CDH13: variants seen among roughly 807,000 people sequenced by gnomAD.
The protein encoded by CDH13 is cadherin-13.
CDH13 carries 24 observed loss-of-function variants against 63.8 expected under a neutral mutation model. That is an observed-to-expected ratio of 0.38 (90% CI 0.27 to 0.53). The LOEUF is 0.53. Among genes scored for constraint, CDH13 ranks in the 20% least tolerant of loss-of-function variants. CDH13 has a pLI of 0.85. For missense variants in CDH13, 1,049 were observed against 903.1 expected, an observed-to-expected ratio of 1.16 and a Z score of -2.07; for synonymous variants, 503 against 355.3, an observed-to-expected ratio of 1.42 and a Z score of -4.67.
intron 1 of CDH13, among the ~76,000 whole-genome samples, chr16:82,786,908 T>C (rs1457032610): frequency 6.6e-6 from 1 of 152,122 alleles, no homozygotes; most frequent in Non-Finnish European, 1.5e-5. Context: ...TTTAAGGGTA[T>C]TGGACAAGGG....
At chr16:83,361,230 T>A (rs1214251021) in intron 6 of CDH13, among the ~76,000 whole-genome samples, 1 of 152,248 alleles carries the variant, frequency 6.6e-6, no homozygotes, top group Non-Finnish European at 1.5e-5. Flanking sequence ...TTGTTTGTCT[T>A]CTTCTGAGAA....
intron 6 of CDH13, among the ~76,000 whole-genome samples, chr16:83,417,482 C>CTCTTGCCT (rs1018451667): frequency 2.0e-5 from 3 of 152,330 alleles, no homozygotes; most frequent in East Asian, 1.9e-4. Context: ...GGTCACCGTG[C>CTCTTGCCT]TCTTGCCTTC....
intron 6 of CDH13, among the ~76,000 whole-genome samples, chr16:83,372,359 G>T (rs560958962): frequency 6.6e-6 from 1 of 152,258 alleles, no homozygotes; most frequent in South Asian, 2.1e-4. Flanking sequence ...AACTTCATGT[G>T]TCATGGTACT....
intron 1 of CDH13, among the ~76,000 whole-genome samples, chr16:82,718,778 C>G (rs1274233472): frequency 6.6e-6 from 1 of 152,094 alleles, no homozygotes; most frequent in Admixed American, 6.6e-5. Flanking sequence ...GGGAAAGACC[C>G]AGCCCCATGA....
chr16:82,646,617 T>C (rs1910125455), intron 1 of CDH13, among the ~76,000 whole-genome samples: 1 of 152,238 alleles, frequency 6.6e-6, no homozygotes, highest in Non-Finnish European at 1.5e-5. Flanking sequence ...AAGCCATTTC[T>C]TACCTGTCTT....
intron 1 of CDH13, among the ~76,000 whole-genome samples, chr16:82,812,965 A>G (rs2037521077): frequency 1.3e-5 from 2 of 152,096 alleles, no homozygotes; most frequent in South Asian, 4.1e-4. Flanking sequence ...GAAAGGCTAG[A>G]CTTCAAAACA....
intron 5 of CDH13, among the ~76,000 whole-genome samples, chr16:83,298,406 C>A (rs1597693676): frequency 6.6e-6 from 1 of 152,052 alleles, no homozygotes; most frequent in African/African-American, 2.4e-5. Context: ...CCTGTGTAGC[C>A]CTTAGACAAT....
intron 1 of CDH13, among the ~76,000 whole-genome samples, chr16:82,667,935 T>A (rs1232585313): frequency 1.3e-5 from 2 of 152,206 alleles, no homozygotes; most frequent in Non-Finnish European, 2.9e-5. Context: ...TAGAAACACC[T>A]GTATTTGTCA....
At chr16:83,010,158 A>AAAAAAAAAAAAAC (rs1555561348) in intron 2 of CDH13, among the ~76,000 whole-genome samples, 2 of 136,728 alleles carry the variant, frequency 1.5e-5, no homozygotes, top group African/African-American at 5.5e-5. Flanking sequence ...AAAAAAAAAA[A>AAAAAAAAAAAAAC]AAAACAAGAA....
chr16:83,230,744 G>A (rs1226041663), intron 5 of CDH13, among the ~76,000 whole-genome samples: 1 of 152,166 alleles, frequency 6.6e-6, no homozygotes. Flanking sequence ...CCAAGATCAT[G>A]CCATTGCTCT....
intron 6 of CDH13, among the ~76,000 whole-genome samples, chr16:83,375,028 A>G (rs1410187693): frequency 6.6e-6 from 1 of 152,186 alleles, no homozygotes; most frequent in African/African-American, 2.4e-5. Flanking sequence ...GCAGAATTTT[A>G]ATTTAGTAGG....
At chr16:82,947,195 G>A (rs1255942800) in intron 2 of CDH13, among the ~76,000 whole-genome samples, 1 of 152,068 alleles carries the variant, frequency 6.6e-6, no homozygotes, top group Admixed American at 6.6e-5. Flanking sequence ...AGAGTAGGTG[G>A]TTATTCCTAC....
At chr16:83,600,253 C>T (rs4782829) in intron 7 of CDH13, among the ~76,000 whole-genome samples, 45,528 of 152,046 alleles carry the variant, frequency 0.3, 9,176 homozygotes, top group African/African-American at 0.57. Flanking sequence ...GTCAGAGAAC[C>T]GTGTGACCTT....
chr16:82,936,312 C>T (rs1425674935), intron 2 of CDH13, among the ~76,000 whole-genome samples: 2 of 152,172 alleles, frequency 1.3e-5, no homozygotes, highest in African/African-American at 4.8e-5. Flanking sequence ...CCCTTACCAT[C>T]TGCCTGTGTA....
intron 2 of CDH13, among the ~76,000 whole-genome samples, chr16:82,940,761 G>T (rs1397281224): frequency 6.6e-6 from 1 of 152,162 alleles, no homozygotes; most frequent in South Asian, 2.1e-4. Flanking sequence ...ACTAATCAGA[G>T]ATGTGGGAAG....
intron 1 of CDH13, among the ~76,000 whole-genome samples, chr16:82,645,218 C>T (rs1400488119): frequency 6.6e-6 from 1 of 152,152 alleles, no homozygotes; most frequent in African/African-American, 2.4e-5. Context: ...GTTAGGACTG[C>T]AAATCCTGTC....
intron 13 of CDH13, among the ~76,000 whole-genome samples, chr16:83,785,484 G>A (rs973233142): frequency 2.0e-5 from 3 of 152,188 alleles, no homozygotes; most frequent in African/African-American, 7.2e-5. Context: ...TATAAACTTT[G>A]GAGGGGCACA....
chr16:83,453,989 T>C (rs8056372), intron 6 of CDH13, among the ~76,000 whole-genome samples: 74,972 of 152,050 alleles, frequency 0.49, 19,260 homozygotes, highest in East Asian at 0.83. Flanking sequence ...GAAGGCTAGG[T>C]TCTAGATATC....
intron 2 of CDH13, among the ~76,000 whole-genome samples, chr16:82,950,480 G>A (rs1413149586): frequency 6.6e-6 from 1 of 152,080 alleles, no homozygotes; most frequent in Non-Finnish European, 1.5e-5. Context: ...TGTTCTTGTG[G>A]TAGTGAGTAA....
Sources: allele counts gnomAD v4.1 joint callset (sites outside exome capture counted in the v4.1 genomes callset), GRCh38; gene constraint gnomAD v4.1.1; transcripts MANE v1.5; gene names NCBI Gene and HGNC (gene_info 2026-07-23, HGNC 2026-07-21).